The following ASB2 variants were observed in gnomAD, a reference collection of about 807,000 sequenced individuals.
The protein encoded by ASB2 is ankyrin repeat and SOCS box containing 2, also known as ankyrin repeat and SOCS box protein 2.
In ASB2, 58 loss-of-function variants were observed where a neutral mutation model predicts 62.4. The ratio of observed to expected loss-of-function variants is 0.93; its 90% CI spans 0.75 to 1.16. The LOEUF is 1.16. ASB2 is among the 50% of genes most tolerant of loss of function. The probability of loss-of-function intolerance (pLI) is 0.00; values close to 1 mark genes in which losing one functional copy is unlikely to be tolerated. For synonymous variants in ASB2, 386 were observed against 385.3 expected (o/e 1.00, Z -0.02); for missense variants, 928 against 887.9 (o/e 1.05, Z -0.57).
chr14:93,944,524 T>C (rs886258266), intron 7 of ASB2, among the ~76,000 whole-genome samples: 3 of 152,196 alleles, frequency 2.0e-5, no homozygotes, highest in African/African-American at 7.2e-5. Context: ...GGAATGCCTA[T>C]GGAATGTCAC....
intron 9 of ASB2, among the ~76,000 whole-genome samples, chr14:93,935,408 G>A (rs1039746120): frequency 6.9e-6 from 1 of 145,522 alleles, no homozygotes; most frequent in South Asian, 2.3e-4. Flanking sequence ...TAAAGGGCTT[G>A]TAGAATCACA....
Position 93,951,098 on chromosome 14 carries a change from C to G in ASB2, c.781G>C (p.Gly261Arg), listed in dbSNP as rs147785645. ...LEVMQILVSG[G>R]AKVESKNAYG... is the part of the protein sequence containing the mutation. ...GCGTTCTTGGATTCCACCTTGGCTC[C>G]TCCGCTCACCAGGATCTGCATGACC... The change falls in exon 6 of 10, where the codon GGA becomes CGA. Residue 261 changes from glycine (G) to arginine (R), a missense_variant. Coordinates refer to ENST00000555019, the MANE Select transcript of ASB2 (RefSeq NM_001202429.2). The G allele has an allele frequency of 1.2e-6, 2 of 1,614,228 alleles. No homozygotes were observed. Among genetic ancestry groups the G allele is most frequent in the African/African-American group, 2.7e-5 (2 of 75,058 alleles).
intron 2 of ASB2, among the ~76,000 whole-genome samples, chr14:93,962,876 G>A (rs1016553477): frequency 6.6e-6 from 1 of 152,180 alleles, no homozygotes; most frequent in Non-Finnish European, 1.5e-5. Flanking sequence ...GGCCAGAACA[G>A]GAACCAGGGC....
chr14:93,962,343 C>T (rs928189299), intron 2 of ASB2, among the ~76,000 whole-genome samples: 2 of 151,994 alleles, frequency 1.3e-5, no homozygotes, highest in South Asian at 2.1e-4. Flanking sequence ...CTCGATCTCC[C>T]GACCTCGTGA....
intron 1 of ASB2, among the ~76,000 whole-genome samples, chr14:93,969,645 C>T (rs1567033413): frequency 6.6e-6 from 1 of 152,154 alleles, no homozygotes; most frequent in Admixed American, 6.5e-5. Context: ...AAAAATAGCC[C>T]TTTCCCAAGG....
At position 93,964,473 on chromosome 14, in the gene ASB2, T is replaced by C; in HGVS notation, c.67A>G (p.Ser23Gly). 6.5e-7 allele frequency: 1 copy of C among 1,536,110 alleles called. No homozygotes were observed. Among genetic ancestry groups the C allele is most frequent in the Non-Finnish European group, 8.7e-7 (1 of 1,146,888 alleles). The change falls in exon 2 of 10, where the codon AGC becomes GGC. Residue 23 changes from serine (S) to glycine (G), a missense_variant. Transcript: ENST00000555019. Reference protein sequence around the residue: ...TIGQEEYSLYSSLSEDELVQM... With the variant: ...TIGQEEYSLYGSLSEDELVQM... ...ACCAGTTCATCCTCGCTCAGGCTGC[T>C]GTACAGGCTGTACTCCTCCTGCCCA...
chr14:93,938,233 C>T (rs1363067176), intron 8 of ASB2, among the ~76,000 whole-genome samples: 21 of 67,616 alleles, frequency 3.1e-4, no homozygotes, highest in East Asian at 1.2e-3. Flanking sequence ...TAAGTTCTGA[C>T]TTTTTTTTTT....
chr14:93,941,815 T>A (rs1277285150), intron 7 of ASB2: 3 of 406,060 alleles, frequency 7.4e-6, no homozygotes, highest in Non-Finnish European at 1.5e-5. Context: ...AACTTGAGCA[T>A]TGTCTCAGTT....
chr14:93,957,067 C>G, intron 2 of ASB2, 197 bp from the exon 3 acceptor site: 2 of 1,459,784 alleles, frequency 1.4e-6, no homozygotes, highest in Non-Finnish European at 1.8e-6. Flanking sequence ...TTATTTTTGG[C>G]CCTTGGAGGA....
chr14:93,939,786 C>T (rs903670291), intron 7 of ASB2, 114 bp from the exon 8 acceptor site: 5 of 827,598 alleles, frequency 6.0e-6, no homozygotes, highest in African/African-American at 5.5e-5. Flanking sequence ...GCCCTGACCG[C>T]GGGCTGCGAC....
At chr14:93,952,934 T>C (rs923272869) in intron 5 of ASB2, among the ~76,000 whole-genome samples, 1 of 152,258 alleles carries the variant, frequency 6.6e-6, no homozygotes, top group Admixed American at 6.5e-5. Context: ...TGCTCTCGCA[T>C]ACCTTCATGC....
At chr14:93,955,089 C>T (rs1181765582) in intron 3 of ASB2, 4 of 456,668 alleles carry the variant, frequency 8.8e-6, no homozygotes, top group Non-Finnish European at 1.8e-5. Context: ...TTCCTTCATT[C>T]ATTCACTGAG....
intron 5 of ASB2, among the ~76,000 whole-genome samples, chr14:93,952,199 G>A (rs1025926323): frequency 2.1e-4 from 32 of 152,216 alleles, no homozygotes; most frequent in African/African-American, 6.8e-4. Flanking sequence ...AAACCTTCTT[G>A]AGCAGATGCT....
intron 2 of ASB2, among the ~76,000 whole-genome samples, chr14:93,959,727 C>T (rs548820295): frequency 3.8e-4 from 58 of 152,176 alleles, no homozygotes; most frequent in East Asian, 9.7e-4. Context: ...CAGGCACGGT[C>T]AGCCTCAGTG....
At chr14:93,955,456 C>T (rs567661223) in intron 3 of ASB2, 17 of 222,698 alleles carry the variant, frequency 7.6e-5, no homozygotes, top group East Asian at 4.1e-4. Context: ...CCATCAGCAC[C>T]GTCACTGCCA....
intron 2 of ASB2, among the ~76,000 whole-genome samples, 187 bp downstream of exon 2, chr14:93,964,147 T>C (rs1189519063): frequency 6.6e-6 from 1 of 152,102 alleles, no homozygotes; most frequent in African/African-American, 2.4e-5. Context: ...AGAGTGTGTA[T>C]AGCACCCACT....
rs1322952526 is a variant in ASB2, at chr14:93,934,684, C to G, written c.1880G>C (p.Arg627Thr). ...CTGGGTGTTCTCGTATTTCAGGTAT[C>G]TAATCAGCCTGCCTGGGAGCGGCAA... ...DTLPLPGRLI[R>T]YLKYENTQ Residue 627 changes from arginine to threonine, a missense_variant, in exon 10 of 10, where the codon AGA (arginine) becomes ACA (threonine). By Grantham distance (71) the Arg-to-Thr change is moderately conservative. Transcript: ENST00000555019. 1.2e-6 allele frequency: 2 copies of G among 1,614,184 alleles called. No individual in the cohort carries two copies. The highest frequency in any genetic ancestry group is 8.5e-7 in the Non-Finnish European group (1 of 1,180,014).
Position 93,939,668 on chromosome 14 carries a change from C to A in ASB2, c.1057G>T (p.Val353Leu). 6.8e-7 allele frequency: 1 copy of A among 1,461,842 alleles called. No homozygotes were observed. Among genetic ancestry groups the A allele is most frequent in the South Asian group, 1.4e-5 (1 of 73,626 alleles). The allele number at this position is 1,461,842 out of a possible 1,614,324, so 90.6% of individuals were successfully genotyped here. The part of the protein sequence containing the change: ...IASKKGNYRI[V>L]QMLLPVTSRT... ...CTGGTCACCGGCAGCAGCATCTGCA[C>A]GATCCTGCCGGGTCGAGGGGCGGGC... Residue 353 changes from valine (V) to leucine (L), a missense_variant, in exon 8 of 10, where the codon GTG (valine) becomes TTG (leucine). Val to Leu is a conservative substitution (Grantham distance 32, BLOSUM62 1). Transcript: ENST00000555019.
chr14:93,951,246 T>G lies in ASB2; in HGVS notation c.635-2A>C. Reference sequence around the variant, plus strand: ...CCTCCGCGTTCTTGCGCTCGCAGGCTGTGCTCAGGGGGAAGCAGGGATGGT... The same window carrying G: ...CCTCCGCGTTCTTGCGCTCGCAGGCGGTGCTCAGGGGGAAGCAGGGATGGT... On this transcript the variant is annotated splice_acceptor_variant, in intron 5 of 9. Transcript: ENST00000555019. LOFTEE classifies it high-confidence loss of function. 6.3e-7 allele frequency: 1 copy of G among 1,591,778 alleles called. No individual in the cohort carries two copies. The highest frequency in any genetic ancestry group is 8.5e-7 in the Non-Finnish European group (1 of 1,170,556).
Sources: allele counts gnomAD v4.1 joint callset (sites outside exome capture counted in the v4.1 genomes callset), GRCh38; gene constraint gnomAD v4.1.1; transcripts MANE v1.5; gene names NCBI Gene and HGNC (gene_info 2026-07-23, HGNC 2026-07-21).